Variants in FAM13A observed in about 807,000 individuals in gnomAD.
The protein encoded by FAM13A is protein FAM13A.
FAM13A carries 76 observed loss-of-function variants against 129.6 expected under a neutral mutation model. The ratio of observed to expected loss-of-function variants is 0.59; its 90% CI spans 0.49 to 0.71. FAM13A has a LOEUF of 0.71. Among genes scored for constraint, FAM13A ranks in the 30% least tolerant of loss-of-function variants. FAM13A has a pLI of 0.00. For missense variants in FAM13A, 1,108 were observed against 1,249.3 expected (o/e 0.89, Z 1.70); for synonymous variants, 443 against 449.9 (o/e 0.98, Z 0.20).
At chr4:88,817,836 C>T (rs1731078189) in intron 7 of FAM13A, among the ~76,000 whole-genome samples, 1 of 152,182 alleles carries the variant, frequency 6.6e-6, no homozygotes, top group Admixed American at 6.5e-5. Flanking sequence ...ACTACCTGAA[C>T]TGTGCTAAGC....
intron 7 of FAM13A, among the ~76,000 whole-genome samples, chr4:88,847,767 T>C (rs1736897947): frequency 6.6e-6 from 1 of 152,090 alleles, no homozygotes; most frequent in Non-Finnish European, 1.5e-5. Context: ...ACCCCGTCTC[T>C]ACTAAAAAAA....
chr4:88,985,595 T>G (rs992434830), intron 4 of FAM13A, among the ~76,000 whole-genome samples: 1 of 152,176 alleles, frequency 6.6e-6, no homozygotes, highest in African/African-American at 2.4e-5. Flanking sequence ...TGCATGCTGC[T>G]AACAGACATG....
At chr4:88,929,694 A>G (rs1035355293) in intron 5 of FAM13A, among the ~76,000 whole-genome samples, 2 of 151,842 alleles carry the variant, frequency 1.3e-5, no homozygotes, top group African/African-American at 4.8e-5. Context: ...TTTCAAATGT[A>G]TTCTGTATTT....
chr4:88,943,585 A>G (rs960856216), intron 4 of FAM13A, among the ~76,000 whole-genome samples: 1 of 152,202 alleles, frequency 6.6e-6, no homozygotes, highest in Admixed American at 6.5e-5. Context: ...GCCTTTCTAA[A>G]AGCTTTCTGT....
intron 7 of FAM13A, among the ~76,000 whole-genome samples, chr4:88,830,936 A>G (rs971661739): frequency 5.9e-5 from 9 of 152,170 alleles, no homozygotes; most frequent in African/African-American, 2.2e-4. Context: ...ACAAGCAGTT[A>G]TTCATGGTAC....
intron 4 of FAM13A, among the ~76,000 whole-genome samples, chr4:88,939,513 A>T (rs1487882913): frequency 6.6e-6 from 1 of 152,134 alleles, no homozygotes; most frequent in Admixed American, 6.5e-5. Flanking sequence ...TGTTTTCCAA[A>T]TAAGGTAACA....
intron 5 of FAM13A, among the ~76,000 whole-genome samples, chr4:88,932,345 T>C (rs941190722): frequency 2.0e-5 from 3 of 152,184 alleles, no homozygotes; most frequent in Admixed American, 1.3e-4. Flanking sequence ...ATGAGATACA[T>C]ATATAGAAGA....
intron 3 of FAM13A, among the ~76,000 whole-genome samples, chr4:89,002,867 C>CA (rs1177857975): frequency 2.0e-5 from 3 of 151,472 alleles, no homozygotes; most frequent in African/African-American, 7.3e-5. Flanking sequence ...CAAGAGGAAT[C>CA]AAAAGTGAGA....
At chr4:88,837,180 G>C (rs1734959052) in intron 7 of FAM13A, among the ~76,000 whole-genome samples, 1 of 150,392 alleles carries the variant, frequency 6.6e-6, no homozygotes, top group African/African-American at 2.4e-5. Flanking sequence ...TTTTAGTAGA[G>C]ACGAGGTTTC....
chr4:88,733,980 C>G (rs565987790), intron 21 of FAM13A, among the ~76,000 whole-genome samples: 3 of 152,206 alleles, frequency 2.0e-5, no homozygotes, highest in Non-Finnish European at 4.4e-5. Context: ...AACAAAATTA[C>G]TCTCAGTAGC....
chr4:88,787,524 A>C (rs1724205614), intron 10 of FAM13A, among the ~76,000 whole-genome samples: 1 of 152,182 alleles, frequency 6.6e-6, no homozygotes, highest in African/African-American at 2.4e-5. Context: ...GTGGCTTCTA[A>C]CAACATACCA....
intron 4 of FAM13A, among the ~76,000 whole-genome samples, chr4:88,944,703 A>C (rs967957260): frequency 6.6e-6 from 1 of 152,074 alleles, no homozygotes; most frequent in Non-Finnish European, 1.5e-5. Context: ...GGAGTTCGAG[A>C]CCCACCTGGC....
At chr4:88,963,400 C>T (rs1461488229) in intron 4 of FAM13A, among the ~76,000 whole-genome samples, 1 of 148,610 alleles carries the variant, frequency 6.7e-6, no homozygotes, top group African/African-American at 2.4e-5. Context: ...CAGGTTCAAG[C>T]GATTCTCATG....
chr4:88,942,792 T>C (rs971139063), intron 4 of FAM13A, among the ~76,000 whole-genome samples: 5 of 152,108 alleles, frequency 3.3e-5, no homozygotes, highest in African/African-American at 4.8e-5. Flanking sequence ...TTGAAAAAAA[T>C]AGTCTCCTTA....
In FAM13A at chr4:88,751,612, TAAA is replaced by T. The variant is rs10542643; in HGVS notation, c.1727-978_1727-976del. Among the ~76,000 whole-genome samples the T allele has an allele frequency of 1.8e-3, 262 of 148,860 alleles. 1 individual carries two copies. The highest frequency in any genetic ancestry group is 3.2e-3 in the African/African-American group (129 of 40,466). The stretch of plus-strand genomic sequence containing the variant: ...GTACAAATCAGTTTAGATAATCTGT[TAAA>T]AAAAAAAAAAACACGCTCAGCACAA... On this transcript the variant is annotated intron_variant, in intron 14 of 23. Coordinates refer to ENST00000264344, the MANE Select transcript of FAM13A (RefSeq NM_014883.4).
intron 8 of FAM13A, among the ~76,000 whole-genome samples, chr4:88,792,605 T>G (rs746085578): frequency 6.6e-6 from 1 of 151,986 alleles, no homozygotes; most frequent in Non-Finnish European, 1.5e-5. Context: ...ACTCCTATAC[T>G]CCACTTCTCA....
intron 7 of FAM13A, among the ~76,000 whole-genome samples, chr4:88,822,219 T>C (rs1004556080): frequency 3.3e-5 from 5 of 152,202 alleles, no homozygotes; most frequent in African/African-American, 9.6e-5. Flanking sequence ...AATCCTAAAA[T>C]GTGACCTTGG....
At chr4:88,765,776 G>A (rs1745616216) in intron 13 of FAM13A, among the ~76,000 whole-genome samples, 1 of 152,162 alleles carries the variant, frequency 6.6e-6, no homozygotes, top group South Asian at 2.1e-4. Flanking sequence ...AGGTGACATG[G>A]AGAGCTTAGT....
intron 10 of FAM13A, among the ~76,000 whole-genome samples, chr4:88,785,498 T>C (rs952783281): frequency 6.6e-6 from 1 of 151,888 alleles, no homozygotes; most frequent in African/African-American, 2.4e-5. Flanking sequence ...AAAACAGAAA[T>C]CTAAGACCAA....
Sources: gnomAD v4.1 joint callset for allele counts (sites outside exome capture counted in the v4.1 genomes callset) on GRCh38, gnomAD v4.1.1 for gene constraint, MANE v1.5 for transcripts, NCBI Gene and HGNC (gene_info 2026-07-23, HGNC 2026-07-21) for gene names.